EFNB2: variants seen among roughly 807,000 people sequenced by gnomAD.
EFNB2 encodes the protein ephrin-B2.
A neutral mutation model predicts 32.1 loss-of-function variants in EFNB2; 5 were observed. The observed-to-expected ratio is 0.16, with a 90% CI of 0.08 to 0.33. The LOEUF is 0.33. Among genes scored for constraint, EFNB2 ranks in the 10% least tolerant of loss-of-function variants. The pLI, the probability that EFNB2 is intolerant of heterozygous loss-of-function variation, is 1.00. For missense variants in EFNB2, 263 were observed against 422.6 expected (o/e 0.62, Z 3.31); for synonymous variants, 168 against 166.5 (o/e 1.01, Z -0.07).
chr13:106,510,416 G>A (rs1954620059), intron 2 of EFNB2, among the ~76,000 whole-genome samples: 1 of 152,168 alleles, frequency 6.6e-6, no homozygotes, highest in Non-Finnish European at 1.5e-5. Context: ...AATTCCACTT[G>A]CGCCCAGTGC....
intron 1 of EFNB2, chr13:106,519,640 T>C (rs1037791027): frequency 2.6e-5 from 4 of 152,220 alleles, no homozygotes; most frequent in African/African-American, 9.7e-5. Context: ...TATGGCATGT[T>C]GTTCTGTTTA....
rs1311692676 is a variant in EFNB2, at chr13:106,518,995, C to T, written c.123-6183G>A. ...CTGGTGGCTCTCCTGAGAGACGCGACAGGTCCACGGAAGGAAACCATGGAA... is the reference window on the plus strand; with the variant it reads ...CTGGTGGCTCTCCTGAGAGACGCGATAGGTCCACGGAAGGAAACCATGGAA... On this transcript the variant is annotated intron_variant, in intron 1 of 4. Coordinates refer to ENST00000646441, the MANE Select transcript of EFNB2 (RefSeq NM_004093.4). This position sits in a 1 kb window ranked among gnomAD's most constrained non-coding sequence, Gnocchi z 4.1. 1 of 152,082 alleles carries T rather than the reference C, an allele frequency of 6.6e-6. No individual in the cohort carries two copies. Among genetic ancestry groups the T allele is most frequent in the Admixed American group, 6.6e-5 (1 of 15,266 alleles). The allele number at this position is 152,082 out of a possible 1,614,324, so 9.4% of individuals were successfully genotyped here. A position where few individuals can be genotyped will look rare whatever the true frequency, so the allele number is the denominator to read the frequency against.
chr13:106,506,979 G>A (rs1182109401), intron 2 of EFNB2, among the ~76,000 whole-genome samples: 1 of 152,106 alleles, frequency 6.6e-6, no homozygotes, highest in African/African-American at 2.4e-5. Flanking sequence ...GGAGGGTGGT[G>A]GTGGTGCTGT....
At chr13:106,507,636 A>T (rs1263419181) in intron 2 of EFNB2, among the ~76,000 whole-genome samples, 3 of 152,186 alleles carry the variant, frequency 2.0e-5, no homozygotes, top group Non-Finnish European at 4.4e-5. Context: ...AAAAAAAATA[A>T]AAAATAAAAA....
intron 2 of EFNB2, among the ~76,000 whole-genome samples, chr13:106,498,608 A>G (rs542246234): frequency 1.7e-4 from 26 of 152,340 alleles, no homozygotes; most frequent in African/African-American, 6.0e-4. Flanking sequence ...GCTGTGTTGC[A>G]TAAGAATGAA....
intron 1 of EFNB2, among the ~76,000 whole-genome samples, chr13:106,522,642 T>C (rs1483576529): frequency 1.3e-5 from 2 of 152,190 alleles, no homozygotes; most frequent in Non-Finnish European, 2.9e-5. Context: ...GAGCATATCT[T>C]TTGTTTTAAC....
At chr13:106,498,419 T>G (rs1358337560) in intron 2 of EFNB2, among the ~76,000 whole-genome samples, 1 of 152,124 alleles carries the variant, frequency 6.6e-6, no homozygotes, top group Non-Finnish European at 1.5e-5. Context: ...ATTATTTGAT[T>G]TTTTTTTCTT....
intron 1 of EFNB2, among the ~76,000 whole-genome samples, chr13:106,513,931 C>T (rs1879230176): frequency 6.6e-6 from 1 of 152,092 alleles, no homozygotes; most frequent in Admixed American, 6.6e-5. Flanking sequence ...TGATAGGGCA[C>T]CCCCAATTTC....
intron 1 of EFNB2, chr13:106,520,001 C>G (rs1014395290): frequency 6.6e-6 from 1 of 152,084 alleles, no homozygotes; most frequent in Non-Finnish European, 1.5e-5. Context: ...TCCACAGAAG[C>G]TGTAGTAACA....
Position 106,523,788 on chromosome 13 carries a change from GAGTCTTCTC to G in EFNB2, c.123-10985_123-10977del, listed in dbSNP as rs142986675. On this transcript the variant is annotated intron_variant, in intron 1 of 4. Transcript: ENST00000646441. Reference sequence around the variant, plus strand: ...GTAGAAATAAGCCTGGACTTGATTTGAGTCTTCTCAGCTCTGACAAGCTGGAAGCTGGCA... The same window carrying G: ...GTAGAAATAAGCCTGGACTTGATTTGAGCTCTGACAAGCTGGAAGCTGGCA... Among the ~76,000 whole-genome samples, 169 of 152,278 alleles carry G rather than the reference GAGTCTTCTC, an allele frequency of 1.1e-3. 4 individuals are homozygous for G. In the East Asian group the frequency reaches 0.028, roughly 25 times the overall value.
At chr13:106,534,398 C>CG (rs1354737563) in intron 1 of EFNB2, among the ~76,000 whole-genome samples, 1 of 152,156 alleles carries the variant, frequency 6.6e-6, no homozygotes, top group Non-Finnish European at 1.5e-5. Flanking sequence ...CCTGCCACCC[C>CG]GGTCGCCCGC....
At chr13:106,530,035 C>G (rs1041997877) in intron 1 of EFNB2, among the ~76,000 whole-genome samples, 5 of 152,178 alleles carry the variant, frequency 3.3e-5, no homozygotes, top group African/African-American at 1.2e-4. Flanking sequence ...CGGCTAGTAT[C>G]GTGCTGAATT....
intron 1 of EFNB2, among the ~76,000 whole-genome samples, chr13:106,526,933 G>A (rs1879719668): frequency 6.6e-6 from 1 of 152,200 alleles, no homozygotes; most frequent in African/African-American, 2.4e-5. Flanking sequence ...TGCCCCGCAG[G>A]GAATGTGGAT....
chr13:106,533,142 G>GT (rs1879937484), intron 1 of EFNB2, among the ~76,000 whole-genome samples: 2 of 150,996 alleles, frequency 1.3e-5, no homozygotes, highest in Admixed American at 6.6e-5. Flanking sequence ...GTCAGTGAAA[G>GT]TGCAGAGTGG....
chr13:106,499,075 G>A (rs1015314463), intron 2 of EFNB2, among the ~76,000 whole-genome samples: 1 of 151,998 alleles, frequency 6.6e-6, no homozygotes, highest in African/African-American at 2.4e-5. Context: ...TTAGTACACT[G>A]GTACTAACTG....
Position 106,512,441 on chromosome 13 carries a change from A to G in EFNB2, c.406+88T>C, listed in dbSNP as rs553034648. Reference sequence around the variant, plus strand: ...ATAGATTTTCATCAAATTATTTGTCACAATAATTTTAAGGAAACAAAAAAT... The same window carrying G: ...ATAGATTTTCATCAAATTATTTGTCGCAATAATTTTAAGGAAACAAAAAAT... On this transcript the variant is annotated intron_variant, in intron 2 of 4. Transcript: ENST00000646441. The G allele has an allele frequency of 6.1e-4, 522 of 862,172 alleles. 6 individuals carry two copies. In the African/African-American group the frequency reaches 8.5e-3, roughly 14 times the overall value. 53.4% of individuals were successfully genotyped at this position (862,172 alleles called of 1,614,324 possible).
At chr13:106,497,017 A>AAGGATT (rs1266118341) in intron 2 of EFNB2, among the ~76,000 whole-genome samples, 1 of 152,236 alleles carries the variant, frequency 6.6e-6, no homozygotes, top group African/African-American at 2.4e-5. Flanking sequence ...GGACTGAAAA[A>AAGGATT]AGGATTGATT....
At chr13:106,497,992 G>A (rs1159270308) in intron 2 of EFNB2, among the ~76,000 whole-genome samples, 1 of 152,042 alleles carries the variant, frequency 6.6e-6, no homozygotes, top group African/African-American at 2.4e-5. Flanking sequence ...AAAATGTTTG[G>A]TTTACTTCAT....
chr13:106,535,608 C>T lies in EFNB2; in HGVS notation c.-644G>A, dbSNP rs1363338612. The T allele has an allele frequency of 6.6e-6, 1 of 150,522 alleles. No individual in the cohort carries two copies. The highest frequency in any genetic ancestry group is 1.5e-5 in the Non-Finnish European group (1 of 67,464). The allele number at this position is 150,522 out of a possible 1,614,324, so 9.3% of individuals were successfully genotyped here. ...GCGGGGAGGGCGCCGGGACCCGCTG[C>T]GTGCGCAGCTCCTCGCTCCGGCCGG... On this transcript the variant is annotated 5_prime_UTR_variant, in exon 1 of 5. Transcript: ENST00000646441.
Sources: gnomAD v4.1 joint callset for allele counts (sites outside exome capture counted in the v4.1 genomes callset) on GRCh38, gnomAD v4.1.1 for gene constraint, Gnocchi (gnomAD v3.1) non-coding constraint, MANE v1.5 for transcripts, NCBI Gene and HGNC (gene_info 2026-07-23, HGNC 2026-07-21) for gene names.